EXOC2: variants seen among roughly 807,000 people sequenced by gnomAD.
The protein encoded by EXOC2 is exocyst complex component 2.
A neutral mutation model predicts 131.8 loss-of-function variants in EXOC2; 70 were observed. The ratio of observed to expected loss-of-function variants is 0.53; its 90% confidence interval spans 0.44 to 0.65. The LOEUF is 0.65. EXOC2 is among the 30% of genes least tolerant of loss of function. EXOC2 has a pLI of 0.00. For synonymous variants in EXOC2, 411 were observed against 398.4 expected (o/e 1.03, Z -0.38); for missense variants, 923 against 1,108.6 (o/e 0.83, Z 2.38).
intron 14 of EXOC2, 55 bp downstream of exon 14, chr6:564,809 G>T (rs1757886149): frequency 6.3e-7 from 1 of 1,584,250 alleles, no homozygotes; most frequent in African/African-American, 1.4e-5. Flanking sequence ...TACAAAGTGA[G>T]AAAGGAAAAA....
chr6:562,768 A>G lies in EXOC2; in HGVS notation c.1851+16T>C. On this transcript the variant is annotated intron_variant, in intron 17 of 27. Coordinates refer to ENST00000230449, the MANE Select transcript of EXOC2 (RefSeq NM_018303.6). ...TACACACTAATGACTAATAATTGAAAAGAACTTAAACTTACTAGAGAAGTC... is the reference window on the plus strand; with the variant it reads ...TACACACTAATGACTAATAATTGAAGAGAACTTAAACTTACTAGAGAAGTC... 1 of 1,556,644 alleles carries G rather than the reference A, an allele frequency of 6.4e-7. No individual in the cohort carries two copies.
intron 1 of EXOC2, among the ~76,000 whole-genome samples, chr6:685,122 T>C (rs1342884343): frequency 7.3e-6 from 1 of 137,522 alleles, no homozygotes; most frequent in East Asian, 1.9e-4. Context: ...CCACAATCAT[T>C]TGAAAACACA....
At chr6:680,161 G>A (rs1581681468) in intron 1 of EXOC2, among the ~76,000 whole-genome samples, 1 of 152,082 alleles carries the variant, frequency 6.6e-6, no homozygotes, top group South Asian at 2.1e-4. Context: ...ATACTTTCAT[G>A]TTGTTTGTTG....
chr6:527,565 C>T (rs949449622), intron 23 of EXOC2, among the ~76,000 whole-genome samples: 1 of 152,242 alleles, frequency 6.6e-6, no homozygotes, highest in Non-Finnish European at 1.5e-5. Flanking sequence ...ACTGTGCACC[C>T]CAAGCCTGTG....
Position 553,860 on chromosome 6 carries a change from C to T in EXOC2, c.2115G>A (p.Leu705=). ...LFGSIHEDFS[L]TSEQRLLIVL... is the part of the protein sequence containing the mutation. Reference sequence around the variant, plus strand: ...TAGTTATCGTCTGACTTACTGAGGTCAAGCTGAAGTCTTCATGGATACTTC... The same window carrying T: ...TAGTTATCGTCTGACTTACTGAGGTTAAGCTGAAGTCTTCATGGATACTTC... The change falls in exon 21 of 28, where the codon TTG becomes TTA. Residue 705 remains leucine, a synonymous_variant. Coordinates refer to ENST00000230449, the MANE Select transcript of EXOC2 (RefSeq NM_018303.6). 1 of 1,613,716 alleles carries T rather than the reference C, an allele frequency of 6.2e-7. No homozygotes were observed.
intron 22 of EXOC2, among the ~76,000 whole-genome samples, chr6:537,509 CGAGTT>C (rs1416287947): frequency 2.0e-5 from 3 of 152,054 alleles, no homozygotes; most frequent in African/African-American, 7.2e-5. Flanking sequence ...AGCGTACACT[CGAGTT>C]GATGACCGAT....
At chr6:568,201 C>T (rs1365206539) in intron 13 of EXOC2, among the ~76,000 whole-genome samples, 23 of 152,168 alleles carry the variant, frequency 1.5e-4, no homozygotes, top group South Asian at 2.1e-4. Flanking sequence ...GATTAACATG[C>T]GCATCAATGC....
chr6:675,308 A>C (rs1764060173), intron 1 of EXOC2, among the ~76,000 whole-genome samples: 1 of 152,242 alleles, frequency 6.6e-6, no homozygotes, highest in South Asian at 2.1e-4. Context: ...AGCAAAAAAC[A>C]TTTAGAAATT....
At position 642,915 on chromosome 6, in the gene EXOC2, C is replaced by A. The variant is rs189045012; in HGVS notation, c.-43-5054G>T. On this transcript the variant is annotated intron_variant, in intron 1 of 27. Transcript: ENST00000230449. ...AGTCTGAAATTAAAGTTGTAAAAGG[C>A]ATTTTTCAAGTAAAAAAAAAAAAGT... Among the ~76,000 whole-genome samples, 238 of 149,938 alleles carry A rather than the reference C, an allele frequency of 1.6e-3. 2 individuals are homozygous for A. The highest frequency in any genetic ancestry group is 5.8e-3 in the African/African-American group (231 of 39,846).
At chr6:608,771 C>A (rs546765119) in intron 7 of EXOC2, among the ~76,000 whole-genome samples, 1 of 152,348 alleles carries the variant, frequency 6.6e-6, no homozygotes, top group South Asian at 2.1e-4. Context: ...ACTATGTCAA[C>A]TGTTCCTATA....
intron 25 of EXOC2, among the ~76,000 whole-genome samples, chr6:495,912 C>T (rs970105450): frequency 1.3e-5 from 2 of 152,092 alleles, no homozygotes; most frequent in Admixed American, 6.5e-5. Flanking sequence ...CCCAATTATC[C>T]TTATTTCTGT....
At chr6:616,459 C>A (rs1011582723) in intron 6 of EXOC2, among the ~76,000 whole-genome samples, 73 of 151,838 alleles carry the variant, frequency 4.8e-4, no homozygotes, top group African/African-American at 1.7e-3. Flanking sequence ...AAAAATTAGC[C>A]GGGCGCAGTG....
intron 7 of EXOC2, among the ~76,000 whole-genome samples, chr6:608,060 T>TA (rs1313778983): frequency 6.6e-6 from 1 of 152,236 alleles, no homozygotes; most frequent in Middle Eastern, 3.2e-3. Flanking sequence ...AAAGCATTAG[T>TA]AATCATCTAA....
chr6:604,736 T>TCCC (rs1284862479), intron 7 of EXOC2, among the ~76,000 whole-genome samples: 2 of 145,928 alleles, frequency 1.4e-5, no homozygotes, highest in East Asian at 4.1e-4. Flanking sequence ...CACACCTGCC[T>TCCC]CCCTCCACTC....
At chr6:543,869 C>T (rs189459953) in intron 22 of EXOC2, among the ~76,000 whole-genome samples, 6 of 151,996 alleles carry the variant, frequency 3.9e-5, no homozygotes, top group East Asian at 1.9e-4. Flanking sequence ...CCAGGGAGGA[C>T]GTCTGGTAGG....
rs140385388 is a variant in EXOC2, at chr6:554,756, G to A, written c.2054+471C>T. 2.5e-3 allele frequency among the ~76,000 whole-genome samples: 381 copies of A among 152,056 alleles called. 10 individuals are homozygous for A. The highest frequency in any genetic ancestry group is 0.018 in the Admixed American group (275 of 15,284). The stretch of plus-strand genomic sequence containing the variant: ...AAAAAAACCAGCACTTTACAATGCT[G>A]TCCTATACAACAGCATTATAAAAGA... On this transcript the variant is annotated intron_variant, in intron 20 of 27. Coordinates refer to ENST00000230449, the MANE Select transcript of EXOC2 (RefSeq NM_018303.6).
intron 14 of EXOC2, 64 bp from the exon 15 acceptor site, chr6:564,766 A>T: frequency 6.4e-7 from 1 of 1,574,304 alleles, no homozygotes; most frequent in Admixed American, 1.9e-5. Context: ...ATTAACTAAA[A>T]GATGCTGCCT....
At chr6:526,667 C>T (rs1447836231) in intron 23 of EXOC2, among the ~76,000 whole-genome samples, 2 of 151,884 alleles carry the variant, frequency 1.3e-5, no homozygotes, top group South Asian at 2.1e-4. Flanking sequence ...CTTGAACTCC[C>T]GACCTCAGGT....
intron 23 of EXOC2, among the ~76,000 whole-genome samples, chr6:530,427 T>C (rs914568370): frequency 1.3e-5 from 2 of 152,256 alleles, no homozygotes; most frequent in African/African-American, 4.8e-5. Context: ...GTGCTGAGAC[T>C]GTCCAGCAAG....
Sources: gnomAD v4.1 joint callset for allele counts (sites outside exome capture counted in the v4.1 genomes callset) on GRCh38, gnomAD v4.1.1 for gene constraint, MANE v1.5 for transcripts, NCBI Gene and HGNC (gene_info 2026-07-23, HGNC 2026-07-21) for gene names.